The following RAB5C variants were observed in gnomAD, a reference collection of about 807,000 sequenced individuals.
RAB5C encodes the protein ras-related protein Rab-5C.
RAB5C carries 4 observed loss-of-function variants against 25.2 expected under a neutral mutation model. The observed-to-expected ratio is 0.16, with a 90% CI of 0.08 to 0.36. RAB5C has a LOEUF of 0.36. RAB5C is among the 10% of genes least tolerant of loss of function. RAB5C has a pLI of 1.00. For missense variants in RAB5C, 199 were observed against 283.8 expected, an observed-to-expected ratio of 0.70 and a Z score of 2.15; for synonymous variants, 100 against 106.4, an observed-to-expected ratio of 0.94 and a Z score of 0.37.
chr17:42,129,953 T>A (rs972542125), intron 2 of RAB5C, among the ~76,000 whole-genome samples: 2 of 152,342 alleles, frequency 1.3e-5, no homozygotes, highest in African/African-American at 4.8e-5. Flanking sequence ...AGGCTGTTCC[T>A]TCTTCTGGAA....
chr17:42,132,219 C>T (rs1051587221), intron 1 of RAB5C, among the ~76,000 whole-genome samples: 1 of 152,142 alleles, frequency 6.6e-6, no homozygotes, highest in Non-Finnish European at 1.5e-5. Flanking sequence ...AAAAAGTGAG[C>T]TTCAGGAAGA....
intron 1 of RAB5C, among the ~76,000 whole-genome samples, chr17:42,153,140 G>A (rs1197646260): frequency 6.6e-6 from 1 of 152,200 alleles, no homozygotes; most frequent in Non-Finnish European, 1.5e-5. Flanking sequence ...AGTAGGCCGG[G>A]CACGGTGGTT....
rs1555668618 is a variant in RAB5C at position 42,125,774 on chromosome 17, A to G, written c.*9T>C. 1.9e-6 allele frequency: 3 copies of G among 1,587,610 alleles called. No individual in the cohort carries two copies. The highest frequency in any genetic ancestry group is 2.6e-6 in the Non-Finnish European group (3 of 1,167,036). ...GAGGAGGCGGGGGCAGCGGGCAGGC[A>G]AGGGGGGCTCAGTTGCTGCAGCACT... On this transcript the variant is annotated 3_prime_UTR_variant, in exon 6 of 6. Coordinates refer to ENST00000346213, the MANE Select transcript of RAB5C (RefSeq NM_004583.4).
chr17:42,142,594 C>G (rs1364612176), intron 1 of RAB5C, among the ~76,000 whole-genome samples: 1 of 152,206 alleles, frequency 6.6e-6, no homozygotes, highest in Non-Finnish European at 1.5e-5. Context: ...GCCACCCACG[C>G]CCTCCTCCAT....
intron 1 of RAB5C, among the ~76,000 whole-genome samples, chr17:42,146,741 T>G (rs1187802210): frequency 1.4e-5 from 2 of 147,544 alleles, no homozygotes; most frequent in Non-Finnish European, 3.0e-5. Context: ...AGAGCAAGAC[T>G]CCATTTCAAA....
chr17:42,127,876 G>T (rs906812524), intron 4 of RAB5C, among the ~76,000 whole-genome samples: 7 of 151,146 alleles, frequency 4.6e-5, no homozygotes, highest in African/African-American at 1.7e-4. Flanking sequence ...GCTCAGGCTG[G>T]AGTGCAGTGT....
chr17:42,146,425 C>T (rs1010892894), intron 1 of RAB5C, among the ~76,000 whole-genome samples: 1 of 152,092 alleles, frequency 6.6e-6, no homozygotes, highest in East Asian at 1.9e-4. Flanking sequence ...TATTAAGCCT[C>T]GGCAACATAG....
intron 1 of RAB5C, among the ~76,000 whole-genome samples, chr17:42,147,173 A>C (rs1158948362): frequency 2.6e-5 from 4 of 151,934 alleles, no homozygotes; most frequent in African/African-American, 4.8e-5. Context: ...AGAGAGAGAA[A>C]GAAAGAAAGA....
intron 4 of RAB5C, among the ~76,000 whole-genome samples, chr17:42,127,510 G>A (rs1028952032): frequency 6.6e-6 from 1 of 151,852 alleles, no homozygotes; most frequent in Admixed American, 6.6e-5. Context: ...CAGGTGACGG[G>A]CAATTCCTTT....
chr17:42,152,701 C>A (rs376794621), intron 1 of RAB5C, among the ~76,000 whole-genome samples: 32 of 151,684 alleles, frequency 2.1e-4, no homozygotes, highest in African/African-American at 7.3e-4. Context: ...ATCCCTTGAT[C>A]TCGGGAGGCA....
intron 1 of RAB5C, chr17:42,131,642 T>C: frequency 2.0e-6 from 3 of 1,531,592 alleles, no homozygotes; most frequent in Non-Finnish European, 1.7e-6. Context: ...GATGGGGCGA[T>C]GGAGAGAAAG....
intron 4 of RAB5C, 32 bp from the exon 5 acceptor site, chr17:42,126,880 G>A (rs775023225): frequency 9.2e-6 from 13 of 1,410,580 alleles, no homozygotes; most frequent in Non-Finnish European, 1.1e-5. Context: ...GGAGGTGAGA[G>A]GGAAATGTTG....
At chr17:42,131,722 C>T in intron 1 of RAB5C, 1 of 1,043,652 alleles carries the variant, frequency 9.6e-7, no homozygotes, top group South Asian at 1.4e-5. Context: ...CCAGTCCCGA[C>T]ATCTGAATCA....
intron 1 of RAB5C, among the ~76,000 whole-genome samples, chr17:42,151,257 G>A (rs1004239011): frequency 2.0e-5 from 3 of 152,128 alleles, no homozygotes; most frequent in South Asian, 2.1e-4. Flanking sequence ...TAACACGGCG[G>A]AACCCCATCT....
intron 1 of RAB5C, among the ~76,000 whole-genome samples, chr17:42,136,673 G>A (rs2054539607): frequency 6.6e-6 from 1 of 152,130 alleles, no homozygotes; most frequent in African/African-American, 2.4e-5. Context: ...CAAGTGGCAG[G>A]TTTATTACCC....
intron 1 of RAB5C, chr17:42,131,535 A>C (rs893631095): frequency 1.5e-5 from 21 of 1,412,704 alleles, no homozygotes; most frequent in Non-Finnish European, 1.9e-5. Context: ...AAACACACAC[A>C]GAAACACACA....
chr17:42,130,224 A>G, intron 2 of RAB5C, 113 bp downstream of exon 2: 1 of 1,424,790 alleles, frequency 7.0e-7, no homozygotes. Context: ...TGGGGCTGCC[A>G]CCACAGACGC....
Position 42,130,330 on chromosome 17 carries a change from C to T in RAB5C, c.166+7G>A. On this transcript the variant is annotated splice_region_variant and intron_variant, in intron 2 of 5. Transcript: ENST00000346213. ...GGCCCCTCCCCGACTCCCTCATGCC[C>T]ACTCACCTCCAATTGTGCTCTCCTG... 1.3e-6 allele frequency: 2 copies of T among 1,592,786 alleles called. No individual in the cohort carries two copies. The highest frequency in any genetic ancestry group is 1.7e-6 in the Non-Finnish European group (2 of 1,163,974).
At chr17:42,138,667 C>T (rs2054561731) in intron 1 of RAB5C, among the ~76,000 whole-genome samples, 1 of 152,214 alleles carries the variant, frequency 6.6e-6, no homozygotes, top group Non-Finnish European at 1.5e-5. Flanking sequence ...TAGACTTCCA[C>T]ACCACAATCA....
Sources: allele counts gnomAD v4.1 joint callset (sites outside exome capture counted in the v4.1 genomes callset), GRCh38; gene constraint gnomAD v4.1.1; transcripts MANE v1.5; gene names NCBI Gene and HGNC (gene_info 2026-07-23, HGNC 2026-07-21).